Variants in CCDC141 observed in about 807,000 individuals in gnomAD.
CCDC141 encodes coiled-coil domain containing 141.
Under a neutral mutation model 181.0 loss-of-function variants are expected in CCDC141, and 168 were observed. The ratio of observed to expected loss-of-function variants is 0.93; its 90% CI spans 0.82 to 1.05. CCDC141 has a LOEUF of 1.05. Among genes scored for constraint, CCDC141 ranks in the 50% least tolerant of loss-of-function variants. The pLI is 0.00. For missense variants in CCDC141, 1,902 were observed against 1,788.5 expected, an observed-to-expected ratio of 1.06 and a Z score of -1.14; for synonymous variants, 666 against 642.3, an observed-to-expected ratio of 1.04 and a Z score of -0.56.
Position 178,862,738 on chromosome 2 carries a change from G to GA in CCDC141, c.2724+3028dup, listed in dbSNP as rs1438753003. Among the ~76,000 whole-genome samples, 5 of 152,034 alleles carry GA rather than the reference G, an allele frequency of 3.3e-5. 1 individual carries two copies. The highest frequency in any genetic ancestry group is 4.1e-4 in the South Asian group (2 of 4,828). On this transcript the variant is annotated intron_variant, in intron 17 of 23. Coordinates refer to ENST00000443758, the MANE Select transcript of CCDC141 (RefSeq NM_173648.4). ...TTTCCTATGTCTTCATATGAAATTGGAAAAAAATGGTTTTTTCTCAAAGAT... is the reference window on the plus strand; with the variant it reads ...TTTCCTATGTCTTCATATGAAATTGGAAAAAAAATGGTTTTTTCTCAAAGAT...
intron 2 of CCDC141, among the ~76,000 whole-genome samples, chr2:178,991,724 G>A (rs12329109): frequency 0.045 from 6,785 of 151,818 alleles, 424 homozygotes; most frequent in African/African-American, 0.14. Flanking sequence ...TTGAGGTGAC[G>A]GATATCTCAA....
At chr2:178,983,966 G>A (rs971492647) in intron 2 of CCDC141, among the ~76,000 whole-genome samples, 1 of 150,210 alleles carries the variant, frequency 6.7e-6, no homozygotes, top group Non-Finnish European at 1.5e-5. Flanking sequence ...TACAGAGAAT[G>A]CCACAAAGAT....
intron 2 of CCDC141, among the ~76,000 whole-genome samples, chr2:179,005,967 C>A (rs891179705): frequency 6.6e-6 from 1 of 152,176 alleles, no homozygotes; most frequent in East Asian, 1.9e-4. Flanking sequence ...TCTCTACCTT[C>A]TAGATCACAC....
chr2:178,976,427 T>C (rs1383541551), intron 3 of CCDC141, among the ~76,000 whole-genome samples: 1 of 152,206 alleles, frequency 6.6e-6, no homozygotes, highest in Non-Finnish European at 1.5e-5. Flanking sequence ...AACAGCCATA[T>C]GAAATCCAAT....
intron 11 of CCDC141, among the ~76,000 whole-genome samples, chr2:178,881,774 G>C (rs1686619436): frequency 6.6e-6 from 1 of 151,890 alleles, no homozygotes; most frequent in Non-Finnish European, 1.5e-5. Flanking sequence ...CGTACCTGTA[G>C]TCCCAGCTAC....
chr2:178,972,055 C>A (rs1266094847), intron 4 of CCDC141, among the ~76,000 whole-genome samples: 11 of 151,358 alleles, frequency 7.3e-5, no homozygotes, highest in Non-Finnish European at 1.5e-5. Flanking sequence ...AACATGTACC[C>A]CAGAACTTAA....
At chr2:178,857,580 A>G (rs1436887894) in intron 17 of CCDC141, among the ~76,000 whole-genome samples, 5 of 152,186 alleles carry the variant, frequency 3.3e-5, no homozygotes, top group African/African-American at 1.2e-4. Flanking sequence ...GTTCCATTAA[A>G]TGCACCACTT....
At chr2:178,950,444 A>G (rs572639657) in intron 5 of CCDC141, among the ~76,000 whole-genome samples, 11 of 152,260 alleles carry the variant, frequency 7.2e-5, no homozygotes, top group African/African-American at 2.4e-4. Context: ...TGAAATATCC[A>G]TTTGGTCCAT....
At chr2:179,017,669 C>A (rs773839982) in intron 2 of CCDC141, among the ~76,000 whole-genome samples, 3 of 152,028 alleles carry the variant, frequency 2.0e-5, no homozygotes, top group Non-Finnish European at 4.4e-5. Flanking sequence ...TTGTCCTTAC[C>A]TTGAAAAAGA....
At chr2:178,877,903 A>G in intron 12 of CCDC141, 61 bp downstream of exon 12, 1 of 1,474,530 alleles carries the variant, frequency 6.8e-7, no homozygotes, top group East Asian at 2.3e-5. Context: ...CTTTGAAATT[A>G]TTATTTTGAC....
intron 2 of CCDC141, among the ~76,000 whole-genome samples, chr2:179,014,583 C>T (rs2042371019): frequency 6.6e-6 from 1 of 151,858 alleles, no homozygotes; most frequent in Admixed American, 6.6e-5. Flanking sequence ...AAGAAAAAAA[C>T]AAACAATCCC....
chr2:178,911,487 C>T (rs775774960), intron 7 of CCDC141, among the ~76,000 whole-genome samples: 2 of 152,176 alleles, frequency 1.3e-5, no homozygotes, highest in Non-Finnish European at 2.9e-5. Flanking sequence ...AAGTGTAATG[C>T]TAGCAAACAT....
At chr2:178,973,560 T>A (rs558503638) in intron 4 of CCDC141, among the ~76,000 whole-genome samples, 2 of 152,214 alleles carry the variant, frequency 1.3e-5, no homozygotes, top group South Asian at 4.2e-4. Flanking sequence ...TGGCCCACAG[T>A]GCCGCAGATC....
chr2:178,820,486 T>C, the CCDC141 span, among the ~76,000 whole-genome samples: 2 of 152,196 alleles, frequency 1.3e-5, no homozygotes, highest in East Asian at 1.9e-4. Flanking sequence ...AACAGAAACA[T>C]GGCAAATAAT....
chr2:178,975,675 A>G (rs996291724), intron 3 of CCDC141, among the ~76,000 whole-genome samples: 4 of 152,160 alleles, frequency 2.6e-5, no homozygotes, highest in Admixed American at 2.6e-4. Context: ...TGAACTTAGC[A>G]GTGAAATATG....
In CCDC141 at chr2:179,042,706, G is replaced by A. The variant is rs114010495; in HGVS notation, c.225+4578C>T. Among the ~76,000 whole-genome samples the A allele has an allele frequency of 5.1e-3, 776 of 152,278 alleles. 4 individuals carry two copies. The highest frequency in any genetic ancestry group is 0.014 in the Middle Eastern group (4 of 294). ...CACAATGGACCGGAATCTCTGGGAT[G>A]CAGCTAAAGCAGTATGAAGTGAGAA... On this transcript the variant is annotated intron_variant, in intron 2 of 23. Coordinates refer to ENST00000443758, the MANE Select transcript of CCDC141 (RefSeq NM_173648.4).
intron 22 of CCDC141, among the ~76,000 whole-genome samples, chr2:178,844,788 G>A (rs1684866630): frequency 6.6e-6 from 1 of 152,194 alleles, no homozygotes; most frequent in Non-Finnish European, 1.5e-5. Flanking sequence ...CATGTCACAA[G>A]AAGTGTATTT....
At chr2:179,021,538 G>C (rs17453710) in intron 2 of CCDC141, among the ~76,000 whole-genome samples, 9,630 of 152,236 alleles carry the variant, frequency 0.063, 410 homozygotes, top group Non-Finnish European at 0.096. Context: ...AGTGAATTGA[G>C]AATTCTTGTG....
intron 7 of CCDC141, among the ~76,000 whole-genome samples, chr2:178,905,958 C>G (rs1399347488): frequency 6.6e-6 from 1 of 152,156 alleles, no homozygotes; most frequent in African/African-American, 2.4e-5. Flanking sequence ...TCTTGAAGCA[C>G]TGTAGAGAAA....
Sources: allele counts gnomAD v4.1 joint callset (sites outside exome capture counted in the v4.1 genomes callset), GRCh38; gene constraint gnomAD v4.1.1; transcripts MANE v1.5; gene names NCBI Gene and HGNC (gene_info 2026-07-23, HGNC 2026-07-21).